Variants in FAM193A observed in about 807,000 individuals in gnomAD.
FAM193A encodes the protein protein FAM193A.
In FAM193A, 22 loss-of-function variants were observed where a neutral mutation model predicts 126.5. That is an observed-to-expected ratio of 0.17 (90% CI 0.12 to 0.25). FAM193A has a LOEUF of 0.25. Among genes scored for constraint, FAM193A ranks in the 10% least tolerant of loss-of-function variants. FAM193A has a pLI of 1.00. For missense variants in FAM193A, 1,675 were observed against 1,672.8 expected (o/e 1.00, Z -0.02); for synonymous variants, 761 against 646.8 (o/e 1.18, Z -2.68).
intron 1 of FAM193A, among the ~76,000 whole-genome samples, chr4:2,562,879 T>C (rs1295916969): frequency 1.3e-5 from 2 of 149,368 alleles, no homozygotes; most frequent in East Asian, 2.0e-4. Flanking sequence ...CTGCTCGCCT[T>C]GGCCTTCCAA....
upstream of FAM193A, among the ~76,000 whole-genome samples, chr4:2,535,709 T>A (rs901867883): frequency 6.6e-6 from 1 of 152,078 alleles, no homozygotes; most frequent in Non-Finnish European, 1.5e-5. Context: ...CGGCTAGTCG[T>A]CCCCGAGGTG....
chr4:2,582,046 C>A (rs1322227628), intron 1 of FAM193A, among the ~76,000 whole-genome samples: 1 of 152,114 alleles, frequency 6.6e-6, no homozygotes, highest in Non-Finnish European at 1.5e-5. Context: ...AAATTACTCT[C>A]TTCTGGTTTT....
At chr4:2,727,000 C>T (rs1430647088) in intron 20 of FAM193A, among the ~76,000 whole-genome samples, 1 of 150,884 alleles carries the variant, frequency 6.6e-6, no homozygotes, top group Non-Finnish European at 1.5e-5. Flanking sequence ...GTGGCTCCTG[C>T]CTGTAATCCC....
chr4:2,670,633 T>C (rs1343624958), intron 12 of FAM193A, among the ~76,000 whole-genome samples: 2 of 152,126 alleles, frequency 1.3e-5, no homozygotes, highest in Admixed American at 1.3e-4. Flanking sequence ...ATAGTTTTTG[T>C]ACTTTTTGTA....
At chr4:2,648,344 G>C (rs375427989) in intron 7 of FAM193A, among the ~76,000 whole-genome samples, 28 of 152,306 alleles carry the variant, frequency 1.8e-4, no homozygotes, top group African/African-American at 6.5e-4. Flanking sequence ...CGCACAGCAC[G>C]TCAGGGTGAG....
intron 13 of FAM193A, among the ~76,000 whole-genome samples, chr4:2,682,226 C>T (rs1241153897): frequency 5.9e-5 from 9 of 152,144 alleles, no homozygotes; most frequent in Admixed American, 1.3e-4. Flanking sequence ...CCTTGTGATC[C>T]GCCCACCTCA....
intron 1 of FAM193A, among the ~76,000 whole-genome samples, chr4:2,548,667 T>A (rs879936756): frequency 1.3e-5 from 2 of 150,072 alleles, no homozygotes; most frequent in Admixed American, 1.3e-4. Context: ...ATATTGGCCA[T>A]GCTGGTCTTG....
intron 19 of FAM193A, among the ~76,000 whole-genome samples, chr4:2,705,782 T>TCTTGCTACATTGC (rs1718238109): frequency 6.6e-6 from 1 of 150,762 alleles, no homozygotes; most frequent in Non-Finnish European, 1.5e-5. Context: ...AGAAACAGGG[T>TCTTGCTACATTGC]CTTGCTACAT....
At chr4:2,731,196 C>CAAAAAAAA (rs546217602) in intron 20 of FAM193A, among the ~76,000 whole-genome samples, 4 of 86,870 alleles carry the variant, frequency 4.6e-5, no homozygotes, top group African/African-American at 2.4e-4. Flanking sequence ...AACTCCTTCT[C>CAAAAAAAA]AAAAAAAAAA....
At chr4:2,539,156 T>C (rs1737069952) in intron 1 of FAM193A, among the ~76,000 whole-genome samples, 1 of 152,164 alleles carries the variant, frequency 6.6e-6, no homozygotes, top group Admixed American at 6.6e-5. Context: ...CCTCTCAAAG[T>C]CCTGGAATTA....
chr4:2,606,037 G>T (rs1418585035), intron 2 of FAM193A, among the ~76,000 whole-genome samples: 2 of 118,860 alleles, frequency 1.7e-5, no homozygotes, highest in Non-Finnish European at 3.4e-5. Flanking sequence ...TGTATATTTT[G>T]CAAACCTCTT....
At chr4:2,681,286 A>G (rs867633673) in intron 13 of FAM193A, among the ~76,000 whole-genome samples, 3 of 150,620 alleles carry the variant, frequency 2.0e-5, no homozygotes, top group Non-Finnish European at 3.0e-5. Context: ...AAAGAACTAT[A>G]TTTTGGTTTC....
chr4:2,625,520 G>A, intron 3 of FAM193A, 125 bp downstream of exon 3: 7 of 515,648 alleles, frequency 1.4e-5, no homozygotes, highest in South Asian at 5.6e-5. Flanking sequence ...CAGTTGCTTC[G>A]CTATTGAGAG....
At chr4:2,696,210 T>A in intron 17 of FAM193A, 153 bp from the exon 18 acceptor site, 1 of 595,940 alleles carries the variant, frequency 1.7e-6, no homozygotes, top group Non-Finnish European at 2.9e-6. Flanking sequence ...TGATAGGTTT[T>A]TCTCTTTTTC....
chr4:2,730,269 A>G (rs528398381), intron 20 of FAM193A, among the ~76,000 whole-genome samples: 1 of 152,290 alleles, frequency 6.6e-6, no homozygotes, highest in African/African-American at 2.4e-5. Context: ...AATGTTGACT[A>G]TTTGCCTGGC....
At chr4:2,629,967 C>CG (rs1332949673) in intron 4 of FAM193A, among the ~76,000 whole-genome samples, 70 of 152,082 alleles carry the variant, frequency 4.6e-4, no homozygotes, top group African/African-American at 1.7e-3. Context: ...CCCGTCTCTA[C>CG]TAAAAATACA....
intron 18 of FAM193A, among the ~76,000 whole-genome samples, chr4:2,699,087 G>A (rs563435947): frequency 1.3e-4 from 20 of 152,282 alleles, no homozygotes; most frequent in African/African-American, 3.4e-4. Flanking sequence ...TTGTAGAGAC[G>A]GGGTTTTGCC....
chr4:2,582,392 C>T (rs1484409718), intron 1 of FAM193A, among the ~76,000 whole-genome samples: 1 of 152,180 alleles, frequency 6.6e-6, no homozygotes, highest in Non-Finnish European at 1.5e-5. Flanking sequence ...CCTCTCACCC[C>T]AACAAGTGCT....
chr4:2,725,412 T>C (rs2109418255), intron 20 of FAM193A, among the ~76,000 whole-genome samples: 1 of 127,592 alleles, frequency 7.8e-6, no homozygotes. Flanking sequence ...ATCGTACCAC[T>C]GCACTCCAGC....
Sources: gnomAD v4.1 joint callset for allele counts (sites outside exome capture counted in the v4.1 genomes callset) on GRCh38, gnomAD v4.1.1 for gene constraint, MANE v1.5 for transcripts, NCBI Gene and HGNC (gene_info 2026-07-23, HGNC 2026-07-21) for gene names.